The following RCC2 variants were observed in gnomAD, a reference collection of about 807,000 sequenced individuals.
The protein encoded by RCC2 is protein RCC2.
In RCC2, 19 loss-of-function variants were observed where a neutral mutation model predicts 64.1. The ratio of observed to expected loss-of-function variants is 0.30; its 90% CI spans 0.21 to 0.44. The LOEUF is 0.44. Among genes scored for constraint, RCC2 ranks in the 20% least tolerant of loss-of-function variants. The pLI, the probability that RCC2 is intolerant of heterozygous loss-of-function variation, is 1.00. For missense variants in RCC2, 508 were observed against 710.4 expected, an observed-to-expected ratio of 0.72 and a Z score of 3.24; for synonymous variants, 325 against 279.6, an observed-to-expected ratio of 1.16 and a Z score of -1.62.
chr1:17,431,499 C>CAAAA lies in RCC2; in HGVS notation c.286-2304_286-2301dup, dbSNP rs558362245. Among the ~76,000 whole-genome samples, 165 of 57,674 alleles carry CAAAA rather than the reference C, an allele frequency of 2.9e-3. 4 individuals carry two copies. Among genetic ancestry groups the CAAAA allele is most frequent in the Non-Finnish European group, 3.5e-3 (113 of 32,608 alleles). 37.8% of individuals were successfully genotyped at this position (57,674 alleles called of 152,430 possible). A position where few individuals can be genotyped will look rare whatever the true frequency, so the allele number is the denominator to read the frequency against. On this transcript the variant is annotated intron_variant, in intron 2 of 12. Transcript: ENST00000375436. ...CATGGTGACAAAGCCAGCCCTGTCT[C>CAAAA]AAAAAAAAAAAAAAAAAAAAAAGAA...
intron 4 of RCC2, among the ~76,000 whole-genome samples, chr1:17,424,370 G>C (rs2075590322): frequency 6.6e-6 from 1 of 152,226 alleles, no homozygotes; most frequent in South Asian, 2.1e-4. Flanking sequence ...AGCTCAGCGA[G>C]AGATCAGAAC....
Position 17,429,203 on chromosome 1 carries a change from CAG to C in RCC2, c.286-6_286-5del, listed in dbSNP as rs1202129470. 1.6e-5 allele frequency: 26 copies of C among 1,612,706 alleles called. No homozygotes were observed. The highest frequency in any genetic ancestry group is 2.1e-5 in the Non-Finnish European group (25 of 1,178,830). On this transcript the variant is annotated splice_region_variant and splice_polypyrimidine_tract_variant and intron_variant, in intron 2 of 12. Transcript: ENST00000375436. ...TGCACTTTGACCCTTCAAGTTTCTG[CAG>C]AGACAGAGAAAGGAAAAAAGAATTA...
intron 1 of RCC2, 138 bp downstream of exon 1, chr1:17,439,407 C>A: frequency 6.7e-6 from 1 of 149,534 alleles, no homozygotes; most frequent in East Asian, 2.0e-4. Context: ...GATCCGCCTT[C>A]CTTCCTCTTT....
chr1:17,427,257 C>G (rs1192695380), intron 3 of RCC2, among the ~76,000 whole-genome samples: 1 of 152,192 alleles, frequency 6.6e-6, no homozygotes, highest in Admixed American at 6.5e-5. Context: ...ACCCTCCGCC[C>G]TCAGCAGAGG....
rs1325788795 is a variant in RCC2 at position 17,408,517 on chromosome 1, CA to C, written c.*572del. 1 of 153,038 alleles carries C rather than the reference CA, an allele frequency of 6.5e-6. No homozygotes were observed. Among genetic ancestry groups the C allele is most frequent in the Non-Finnish European group, 1.5e-5 (1 of 68,682 alleles). 9.5% of individuals were successfully genotyped at this position (153,038 alleles called of 1,614,324 possible). On this transcript the variant is annotated 3_prime_UTR_variant, in exon 13 of 13. Transcript: ENST00000375436. Reference sequence around the variant, plus strand: ...AGAAGGCTGTGGGCGTACAGGCAGCCAAGGGGAGAAACAGAACCGACACCGG... The same window carrying C: ...AGAAGGCTGTGGGCGTACAGGCAGCCAGGGGAGAAACAGAACCGACACCGG...
In RCC2 at chr1:17,414,745, C is replaced by A. The variant is rs186347074; in HGVS notation, c.1027-1028G>T. Among the ~76,000 whole-genome samples, 168 of 152,136 alleles carry A rather than the reference C, an allele frequency of 1.1e-3. 1 individual carries two copies. The highest frequency in any genetic ancestry group is 3.9e-3 in the African/African-American group (162 of 41,510). On this transcript the variant is annotated intron_variant, in intron 8 of 12. Transcript: ENST00000375436. ...CTCCTGGGCTCAAGCGATTCTCCTA[C>A]CTCAGCCTCCCAAGTCGCTAGGACT...
chr1:17,414,654 G>A (rs1259918092), intron 8 of RCC2, among the ~76,000 whole-genome samples: 1 of 151,850 alleles, frequency 6.6e-6, no homozygotes, highest in African/African-American at 2.4e-5. Flanking sequence ...CCCCTCGAGA[G>A]GGTCTCGTGC....
chr1:17,425,773 A>C (rs1406824636), intron 3 of RCC2, 89 bp from the exon 4 acceptor site: 17 of 1,368,016 alleles, frequency 1.2e-5, no homozygotes, highest in Non-Finnish European at 1.6e-5. Flanking sequence ...CCACTTCCCG[A>C]GGGTACCAGG....
At chr1:17,434,833 C>A (rs1373344475) in intron 2 of RCC2, among the ~76,000 whole-genome samples, 5 of 152,174 alleles carry the variant, frequency 3.3e-5, no homozygotes, top group Admixed American at 1.3e-4. Flanking sequence ...TGTTGGGAGG[C>A]GGGGCGTGGT....
At chr1:17,417,590 G>A (rs1489673713) in intron 7 of RCC2, among the ~76,000 whole-genome samples, 2 of 152,174 alleles carry the variant, frequency 1.3e-5, no homozygotes. Context: ...GGCTGAGGCA[G>A]AAGAATCGCT....
intron 11 of RCC2, among the ~76,000 whole-genome samples, chr1:17,411,285 G>C (rs142213680): frequency 6.6e-6 from 1 of 152,184 alleles, no homozygotes; most frequent in Non-Finnish European, 1.5e-5. Flanking sequence ...AAAACTCAAA[G>C]ACCCGCCTTG....
intron 8 of RCC2, 24 bp downstream of exon 8, chr1:17,416,456 G>T: frequency 1.3e-6 from 2 of 1,595,786 alleles, no homozygotes; most frequent in South Asian, 2.2e-5. Context: ...CGACTCTCAG[G>T]AAGTGAGAAA....
In RCC2 at chr1:17,413,113, G is replaced by A. The variant is rs2075444720; in HGVS notation, c.1273C>T (p.Gln425Ter). 6.2e-7 allele frequency: 1 copy of A among 1,614,122 alleles called. No individual in the cohort carries two copies. Among genetic ancestry groups the A allele is most frequent in the Non-Finnish European group, 8.5e-7 (1 of 1,180,004 alleles). Residue 425 changes from glutamine to a stop codon, truncating the protein, a stop_gained, in exon 10 of 13, where the codon CAG (glutamine) becomes TAG (stop). Transcript: ENST00000375436. LOFTEE classifies it high-confidence loss of function. ...RESTMYPKAV[Q>*]DLCGWRIRSL... Reference sequence around the variant, plus strand: ...CGGATTCTCCAGCCGCAGAGGTCCTGCACTGCTTTTGGGTACATGGTAGAT... The same window carrying A: ...CGGATTCTCCAGCCGCAGAGGTCCTACACTGCTTTTGGGTACATGGTAGAT...
At chr1:17,439,320 C>A (rs986752848) in intron 1 of RCC2, among the ~76,000 whole-genome samples, 2 of 148,340 alleles carry the variant, frequency 1.3e-5, no homozygotes, top group Admixed American at 6.7e-5. Context: ...CCTGCGCTCT[C>A]CCCTGTCTGC....
intron 2 of RCC2, 83 bp from the exon 3 acceptor site, chr1:17,429,282 C>T (rs776425284): frequency 3.4e-5 from 37 of 1,087,566 alleles, no homozygotes; most frequent in East Asian, 7.1e-5. Context: ...CAGCACGAAA[C>T]GAAAGAAAAT....
chr1:17,422,627 AC>A, intron 5 of RCC2, 77 bp downstream of exon 5: 2 of 1,550,830 alleles, frequency 1.3e-6, no homozygotes, highest in Non-Finnish European at 1.8e-6. Flanking sequence ...GAACTCCACC[AC>A]CCCACGCCCC....
At chr1:17,431,350 A>AAT in intron 2 of RCC2, among the ~76,000 whole-genome samples, 1 of 75,806 alleles carries the variant, frequency 1.3e-5, no homozygotes, top group Non-Finnish European at 2.6e-5. Context: ...AAAAAAAAAA[A>AAT]AAAAAAAAAA....
chr1:17,429,541 C>A (rs762988414), intron 2 of RCC2, among the ~76,000 whole-genome samples: 2 of 152,150 alleles, frequency 1.3e-5, no homozygotes, highest in Non-Finnish European at 2.9e-5. Context: ...GGAAGCCTGC[C>A]GGACACTCAG....
At chr1:17,438,126 A>T (rs2075759952) in intron 2 of RCC2, 104 bp downstream of exon 2, 1 of 853,648 alleles carries the variant, frequency 1.2e-6, no homozygotes, top group Admixed American at 5.5e-5. Flanking sequence ...GCCGGGAGGG[A>T]GCGTGACGCG....
Sources: gnomAD v4.1 joint callset for allele counts (sites outside exome capture counted in the v4.1 genomes callset) on GRCh38, gnomAD v4.1.1 for gene constraint, MANE v1.5 for transcripts, NCBI Gene and HGNC (gene_info 2026-07-23, HGNC 2026-07-21) for gene names.